The following PRAMEF20 variants were observed in gnomAD, a reference collection of about 807,000 sequenced individuals.
PRAMEF20 encodes the protein PRAME family member 20/21.
Under a neutral mutation model 32.4 loss-of-function variants are expected in PRAMEF20, and 27 were observed. The observed-to-expected ratio is 0.83, with a 90% confidence interval of 0.61 to 1.15. PRAMEF20 has a LOEUF of 1.15. PRAMEF20 is among the 50% of genes most tolerant of loss of function. PRAMEF20 has a pLI of 0.00. For synonymous variants in PRAMEF20, 256 were observed against 235.4 expected (o/e 1.09, Z -0.80); for missense variants, 604 against 584.5 (o/e 1.03, Z -0.34).
intron 2 of PRAMEF20, among the ~76,000 whole-genome samples, chr1:13,419,833 C>G (rs1020165779): frequency 2.4e-4 from 36 of 152,260 alleles, no homozygotes; most frequent in Non-Finnish European, 4.3e-4. Flanking sequence ...CTCTGTGCCC[C>G]ACAGCTTGGT....
At chr1:13,411,809 C>G (rs1482458505), upstream of PRAMEF20, among the ~76,000 whole-genome samples, 1 of 152,182 alleles carries the variant, frequency 6.6e-6, no homozygotes, top group Non-Finnish European at 1.5e-5. Context: ...TCTCTTTATC[C>G]TTGGTGATGG....
At chr1:13,415,725 G>A (rs1352982854), upstream of PRAMEF20, among the ~76,000 whole-genome samples, 1 of 150,464 alleles carries the variant, frequency 6.6e-6, no homozygotes, top group East Asian at 2.0e-4. Flanking sequence ...GGGAGGTCCA[G>A]GCTGCACTGA....
chr1:13,417,910 T>TG (rs1369049111), intron 1 of PRAMEF20, among the ~76,000 whole-genome samples: 2,248 of 124,262 alleles, frequency 0.018, 99 homozygotes, highest in East Asian at 0.071. Flanking sequence ...CCCGGCTAAT[T>TG]TGTGTGTGTG....
chr1:13,412,759 T>C (rs1359779277), upstream of PRAMEF20, among the ~76,000 whole-genome samples: 1 of 152,120 alleles, frequency 6.6e-6, no homozygotes, highest in Admixed American at 6.6e-5. Context: ...TCATTGTAAC[T>C]CTTCCACCCG....
intron 1 of PRAMEF20, among the ~76,000 whole-genome samples, chr1:13,417,560 G>A (rs1243660016): frequency 3.5e-4 from 53 of 150,586 alleles, no homozygotes; most frequent in African/African-American, 1.2e-3. Flanking sequence ...GCGAGATTGC[G>A]CCACTGCACT....
intron 1 of PRAMEF20, among the ~76,000 whole-genome samples, chr1:13,416,905 C>T (rs1641181834): frequency 6.6e-6 from 1 of 152,196 alleles, no homozygotes; most frequent in African/African-American, 2.4e-5. Context: ...GGCACAGTGG[C>T]TCACACCTGT....
upstream of PRAMEF20, among the ~76,000 whole-genome samples, chr1:13,415,273 G>A (rs1255065127): frequency 1.3e-5 from 2 of 151,930 alleles, no homozygotes; most frequent in East Asian, 3.9e-4. Context: ...GTACAGACAG[G>A]GTTTCACCAT....
intron 2 of PRAMEF20, among the ~76,000 whole-genome samples, chr1:13,419,065 A>G (rs1641214990): frequency 6.6e-6 from 1 of 152,228 alleles, no homozygotes; most frequent in Admixed American, 6.5e-5. Context: ...TAGCAAGAGG[A>G]TAATTTGAGC....
rs763293827 is a variant in PRAMEF20 at position 13,416,680 on chromosome 1, T to G, written c.287+39T>G. On this transcript the variant is annotated intron_variant, in intron 1 of 2. Transcript: ENST00000602960. ...AGTGGGCTGGTGGGGAGGGCCCAGG[T>G]GTCCAACAGAAGGAACAGCTGGGTC... The G allele has an allele frequency of 4.8e-5, 78 of 1,613,432 alleles. No homozygotes were observed. In the African/African-American group the frequency reaches 9.6e-4, roughly 20 times the overall value.
chr1:13,419,075 C>T (rs1641215096), intron 2 of PRAMEF20, among the ~76,000 whole-genome samples: 1 of 152,020 alleles, frequency 6.6e-6, no homozygotes, highest in Non-Finnish European at 1.5e-5. Context: ...ATAATTTGAG[C>T]CCAGGAGTTT....
chr1:13,415,809 G>C (rs1439729994), upstream of PRAMEF20, among the ~76,000 whole-genome samples: 2 of 142,834 alleles, frequency 1.4e-5, no homozygotes, highest in Non-Finnish European at 1.5e-5. Flanking sequence ...CAAAGGGAGG[G>C]AGGGAGGGAG....
upstream of PRAMEF20, among the ~76,000 whole-genome samples, chr1:13,413,579 G>A (rs1295253742): frequency 6.6e-6 from 1 of 151,996 alleles, no homozygotes; most frequent in Non-Finnish European, 1.5e-5. Context: ...TGGCCAAGCT[G>A]GTCTCAAACT....
upstream of PRAMEF20, among the ~76,000 whole-genome samples, chr1:13,412,781 G>A (rs1641126003): frequency 6.6e-6 from 1 of 151,260 alleles, no homozygotes; most frequent in Admixed American, 6.6e-5. Flanking sequence ...ATGGAGACAT[G>A]GGTGCGGGGG....
chr1:13,418,766 T>C, intron 2 of PRAMEF20, 66 bp downstream of exon 3: 2 of 1,607,878 alleles, frequency 1.2e-6, no homozygotes, highest in South Asian at 1.1e-5. Flanking sequence ...AGGGGGCATC[T>C]ACTGTGAGCC....
At chr1:13,415,902 A>T (rs1476364357), upstream of PRAMEF20, among the ~76,000 whole-genome samples, 3 of 152,186 alleles carry the variant, frequency 2.0e-5, no homozygotes, top group African/African-American at 7.2e-5. Flanking sequence ...AGAAAACAAA[A>T]CAAATAGAAC....
chr1:13,418,524 G>C, exon 2 of PRAMEF20: 1 of 1,613,984 alleles, frequency 6.2e-7, no homozygotes, highest in South Asian at 1.1e-5. Context: ...ACCTCGGCCA[G>C]ATGAGGAATC....
At chr1:13,412,149 C>T (rs1178877266), upstream of PRAMEF20, among the ~76,000 whole-genome samples, 1 of 151,986 alleles carries the variant, frequency 6.6e-6, no homozygotes, top group Non-Finnish European at 1.5e-5. Flanking sequence ...TCTCAAGTAG[C>T]TGCGATTAGA....
At chr1:13,420,949 G>A in exon 3 of PRAMEF20, 1 of 1,613,654 alleles carries the variant, frequency 6.2e-7, no homozygotes, top group African/African-American at 1.3e-5. Context: ...TGCCTGCCCT[G>A]AGCCGCTGCT....
upstream of PRAMEF20, among the ~76,000 whole-genome samples, chr1:13,413,491 A>C (rs1279792581): frequency 6.6e-6 from 1 of 151,998 alleles, no homozygotes; most frequent in Non-Finnish European, 1.5e-5. Flanking sequence ...CAGCCTCCCT[A>C]GTAGCTGGGA....
Sources: gnomAD v4.1 joint callset for allele counts (sites outside exome capture counted in the v4.1 genomes callset) on GRCh38, gnomAD v4.1.1 for gene constraint, MANE v1.5 for transcripts, NCBI Gene and HGNC (gene_info 2026-07-23, HGNC 2026-07-21) for gene names.